Variants in CIITA observed in about 807,000 individuals in gnomAD.
The protein encoded by CIITA is MHC class II transactivator.
A neutral mutation model predicts 115.1 loss-of-function variants in CIITA; 72 were observed. That is an observed-to-expected ratio of 0.63 (90% CI 0.52 to 0.76). The LOEUF is 0.76. CIITA is among the 30% of genes least tolerant of loss of function. The pLI, the probability that CIITA is intolerant of heterozygous loss-of-function variation, is 0.00. For synonymous variants in CIITA, 763 were observed against 635.6 expected, an observed-to-expected ratio of 1.20 and a Z score of -3.02; for missense variants, 1,617 against 1,463.8, an observed-to-expected ratio of 1.10 and a Z score of -1.71.
rs1596538389 is a variant in CIITA at position 10,903,756 on chromosome 16, A to C, written c.798A>C (p.Val266=). ...YHGEVPQASQ[V]PPPSGFTVHG... Reference sequence around the variant, plus strand: ...GTGAGGTGCCCCAGGCCAGCCAAGTACCCCCTCCCAGTGGATTCACTGTCC... The same window carrying C: ...GTGAGGTGCCCCAGGCCAGCCAAGTCCCCCCTCCCAGTGGATTCACTGTCC... Residue 266 remains valine (V), a synonymous_variant, in exon 9 of 20, where the codon GTA becomes GTC. Transcript: ENST00000324288. The C allele has an allele frequency of 6.2e-7, 1 of 1,613,652 alleles. No individual in the cohort carries two copies. Among genetic ancestry groups the C allele is most frequent in the Non-Finnish European group, 8.5e-7 (1 of 1,179,928 alleles).
chr16:10,880,289 C>T (rs957249738), intron 1 of CIITA, among the ~76,000 whole-genome samples: 4 of 152,064 alleles, frequency 2.6e-5, no homozygotes, highest in Non-Finnish European at 5.9e-5. Context: ...ACCCCCAGGC[C>T]CGGTTGGCTA....
In CIITA at chr16:10,923,393, A is replaced by C. The variant is rs543303707; in HGVS notation, c.*22+68A>C. ...GGGGCAGTGTCCTTGTGAAGGTGGC[A>C]TTCAAAAAATGTGGGCGGGACACAG... On this transcript the variant is annotated intron_variant, in intron 19 of 19. Transcript: ENST00000324288. This position sits in a 1 kb window ranked among gnomAD's most constrained non-coding sequence, Gnocchi z 5.2. The C allele has an allele frequency of 3.2e-5, 41 of 1,295,492 alleles. No individual in the cohort carries two copies. The East Asian group carries it at 9.0e-4, about 28-fold the overall frequency. 80.2% of individuals were successfully genotyped at this position (1,295,492 alleles called of 1,614,324 possible). A position where few individuals can be genotyped will look rare whatever the true frequency, so the allele number is the denominator to read the frequency against.
At chr16:10,921,957 C>G (rs2145139871) in intron 16 of CIITA, among the ~76,000 whole-genome samples, 2 of 152,354 alleles carry the variant, frequency 1.3e-5, no homozygotes, top group East Asian at 3.9e-4. Context: ...TCATTCCTAG[C>G]CTCTATTTTC....
Position 10,907,479 on chromosome 16 carries a change from C to T in CIITA, c.1987C>T (p.Leu663=). 6.2e-7 allele frequency: 1 copy of T among 1,613,760 alleles called. No homozygotes were observed. Among genetic ancestry groups the T allele is most frequent in the Non-Finnish European group, 8.5e-7 (1 of 1,179,976 alleles). Residue 663 remains leucine, a synonymous_variant, in exon 11 of 20, where the codon CTG becomes TTG. Transcript: ENST00000324288. The surrounding 1 kb of genome is among the most constrained non-coding windows in gnomAD (Gnocchi z 5.0). ...CGGGGCCCTGGCAGAGCTGGCCAAG[C>T]TGGCCTGGGAGCTGGGCCGCAGACA... The part of the protein sequence containing the change: ...PPGALAELAK[L]AWELGRRHQS...
rs1352090558 is a variant in CIITA at position 10,936,295 on chromosome 16, G to C, written c.*12440G>C. ...ATGAGATTGGTCATAGGATTGTATA[G>C]TGTATCAATATTAGATTTGCTGATT... On this transcript the variant is annotated 3_prime_UTR_variant, in exon 20 of 20. Transcript: ENST00000324288. The C allele has an allele frequency of 1.3e-5, 2 of 152,130 alleles. No individual in the cohort carries two copies. Among genetic ancestry groups the C allele is most frequent in the South Asian group, 4.1e-4 (2 of 4,826 alleles). 9.4% of individuals were successfully genotyped at this position (152,130 alleles called of 1,614,324 possible).
rs947050182 is a variant in CIITA at position 10,935,851 on chromosome 16, A to G, written c.*11996A>G. On this transcript the variant is annotated 3_prime_UTR_variant, in exon 20 of 20. Coordinates refer to ENST00000324288, the MANE Select transcript of CIITA (RefSeq NM_000246.4). ...GCCTTGTACTCTGCTTAATATGTCAATGTCACAAGAGAGAAAGACAGACTG... is the reference window on the plus strand; with the variant it reads ...GCCTTGTACTCTGCTTAATATGTCAGTGTCACAAGAGAGAAAGACAGACTG... The G allele has an allele frequency of 5.3e-5, 8 of 152,242 alleles. No individual in the cohort carries two copies. Among genetic ancestry groups the G allele is most frequent in the South Asian group, 2.1e-4 (1 of 4,834 alleles). The allele number at this position is 152,242 out of a possible 1,614,324, so 9.4% of individuals were successfully genotyped here.
In CIITA at chr16:10,906,836, C is replaced by A. The variant is rs372566990; in HGVS notation, c.1344C>A (p.Val448=). Residue 448 remains valine (V), a synonymous_variant, in exon 11 of 20, where the codon GTC becomes GTA. Coordinates refer to ENST00000324288, the MANE Select transcript of CIITA (RefSeq NM_000246.4). ...ACGRLPQYDF[V]FSVPCHCLNR... is the part of the protein sequence containing the mutation. ...GCCGGCTTCCCCAGTACGACTTTGT[C>A]TTCTCTGTCCCCTGCCATTGCTTGA... The A allele has an allele frequency of 1.1e-5, 17 of 1,613,110 alleles. No individual in the cohort carries two copies. Among genetic ancestry groups the A allele is most frequent in the Non-Finnish European group, 1.4e-5 (16 of 1,180,042 alleles).
In CIITA at chr16:10,907,415, T is replaced by C. The variant is rs754724046; in HGVS notation, c.1923T>C (p.Tyr641=). ...AKLPSTLTGL[Y]VGLLGRAALD... Reference sequence around the variant, plus strand: ...TGCCCTCCACGCTCACGGGACTCTATGTCGGCCTGCTGGGCCGTGCAGCCC... The same window carrying C: ...TGCCCTCCACGCTCACGGGACTCTACGTCGGCCTGCTGGGCCGTGCAGCCC... Residue 641 remains tyrosine (Y), a synonymous_variant, in exon 11 of 20, where the codon TAT becomes TAC. Transcript: ENST00000324288. The surrounding 1 kb of genome is among the most constrained non-coding windows in gnomAD (Gnocchi z 5.0). 3.7e-6 allele frequency: 6 copies of C among 1,613,066 alleles called. No homozygotes were observed. The highest frequency in any genetic ancestry group is 1.1e-5 in the South Asian group (1 of 91,066).
At chr16:10,917,840 C>T (rs1374530819) in intron 15 of CIITA, among the ~76,000 whole-genome samples, 1 of 152,176 alleles carries the variant, frequency 6.6e-6, no homozygotes, top group East Asian at 1.9e-4. Context: ...CCCCTCACAA[C>T]CAAGGTCTTA....
At chr16:10,877,094 A>G (rs910170336), upstream of CIITA, 1 of 609,928 alleles carries the variant, frequency 1.6e-6, no homozygotes, top group Non-Finnish European at 2.9e-6. Flanking sequence ...TCAGAAACAG[A>G]AATCTGACCG....
chr16:10,932,262 A>G lies in CIITA; in HGVS notation c.*8407A>G, dbSNP rs904844951. The G allele has an allele frequency of 2.6e-5, 4 of 152,380 alleles. No individual in the cohort carries two copies. In the East Asian group the frequency reaches 7.7e-4, roughly 29 times the overall value. The allele number at this position is 152,380 out of a possible 1,614,324, so 9.4% of individuals were successfully genotyped here. Reference sequence around the variant, plus strand: ...TGCAATGGCAGCCTTGGCAAACGCTAAATGAAAATCGTGACAACACTTGTG... The same window carrying G: ...TGCAATGGCAGCCTTGGCAAACGCTGAATGAAAATCGTGACAACACTTGTG... On this transcript the variant is annotated 3_prime_UTR_variant, in exon 20 of 20. Transcript: ENST00000324288.
At position 10,901,497 on chromosome 16, in the gene CIITA, A is replaced by T; in HGVS notation, c.437-17A>T. On this transcript the variant is annotated splice_polypyrimidine_tract_variant and intron_variant, in intron 5 of 19. Coordinates refer to ENST00000324288, the MANE Select transcript of CIITA (RefSeq NM_000246.4). This position sits in a 1 kb window ranked among gnomAD's most constrained non-coding sequence, Gnocchi z 6.8. ...CATCCTCTCCCTGGGGCAGCTGATCACATGTTTTCTCTGCAGCCTTCCCAG... is the reference window on the plus strand; with the variant it reads ...CATCCTCTCCCTGGGGCAGCTGATCTCATGTTTTCTCTGCAGCCTTCCCAG... 6.2e-7 allele frequency: 1 copy of T among 1,613,978 alleles called. No individual in the cohort carries two copies. The highest frequency in any genetic ancestry group is 8.5e-7 in the Non-Finnish European group (1 of 1,179,972).
At chr16:10,940,691 C>G (rs1406872228), downstream of CIITA, 1 of 152,358 alleles carries the variant, frequency 6.6e-6, no homozygotes, top group Non-Finnish European at 1.5e-5. The surrounding 1 kb of genome is among the most constrained non-coding windows in gnomAD (Gnocchi z 4.2). Context: ...GTGACTATGA[C>G]CAAGTCTTAC....
chr16:10,929,256 G>C lies in CIITA; in HGVS notation c.*5401G>C. On this transcript the variant is annotated 3_prime_UTR_variant, in exon 20 of 20. Coordinates refer to ENST00000324288, the MANE Select transcript of CIITA (RefSeq NM_000246.4). The surrounding 1 kb of genome is among the most constrained non-coding windows in gnomAD (Gnocchi z 4.3). Reference sequence around the variant, plus strand: ...GGAGTCGCTTTTGCGTGTGTCCGCAGTTTGAAGTGTCCTCTCCGAAGGTGA... The same window carrying C: ...GGAGTCGCTTTTGCGTGTGTCCGCACTTTGAAGTGTCCTCTCCGAAGGTGA... 1 of 985,950 alleles carries C rather than the reference G, an allele frequency of 1.0e-6. No individual in the cohort carries two copies. Among genetic ancestry groups the C allele is most frequent in the Non-Finnish European group, 1.2e-6 (1 of 829,980 alleles). The allele number at this position is 985,950 out of a possible 1,614,324, so 61.1% of individuals were successfully genotyped here.
At position 10,936,325 on chromosome 16, in the gene CIITA, C is replaced by T. The variant is rs1262442912; in HGVS notation, c.*12470C>T. 7.9e-5 allele frequency: 12 copies of T among 152,134 alleles called. No homozygotes were observed. The allele number at this position is 152,134 out of a possible 1,614,324, so 9.4% of individuals were successfully genotyped here. Reference sequence around the variant, plus strand: ...TCAATATTAGATTTGCTGATTTTGACAACCCTACTGTGGTTATGCAAATTT... The same window carrying T: ...TCAATATTAGATTTGCTGATTTTGATAACCCTACTGTGGTTATGCAAATTT... On this transcript the variant is annotated 3_prime_UTR_variant, in exon 20 of 20. Coordinates refer to ENST00000324288, the MANE Select transcript of CIITA (RefSeq NM_000246.4).
chr16:10,888,040 T>C (rs2037138021), intron 1 of CIITA, among the ~76,000 whole-genome samples: 1 of 152,302 alleles, frequency 6.6e-6, no homozygotes, highest in Middle Eastern at 3.4e-3. Flanking sequence ...GCAAGGCATC[T>C]AGCACAGCCC....
intron 1 of CIITA, among the ~76,000 whole-genome samples, chr16:10,893,341 G>A (rs1489185870): frequency 6.6e-6 from 1 of 152,100 alleles, no homozygotes; most frequent in Non-Finnish European, 1.5e-5. Flanking sequence ...ATCCTGGCAG[G>A]AGCCTTAGAG....
At chr16:10,875,664 T>G (rs1232560131), upstream of CIITA, among the ~76,000 whole-genome samples, 3 of 152,166 alleles carry the variant, frequency 2.0e-5, no homozygotes, top group East Asian at 5.8e-4. Flanking sequence ...CTTTTTTACT[T>G]ATCTTTCTTT....
intron 13 of CIITA, among the ~76,000 whole-genome samples, chr16:10,912,769 T>C (rs902006409): frequency 2.0e-5 from 3 of 152,244 alleles, no homozygotes; most frequent in Non-Finnish European, 4.4e-5. Context: ...AGATCGGAAC[T>C]GCGCTCTGGG....
Sources: gnomAD v4.1 joint callset for allele counts (sites outside exome capture counted in the v4.1 genomes callset) on GRCh38, gnomAD v4.1.1 for gene constraint, Gnocchi (gnomAD v3.1) non-coding constraint, MANE v1.5 for transcripts, NCBI Gene and HGNC (gene_info 2026-07-23, HGNC 2026-07-21) for gene names.